Variants in BRF1 observed in about 807,000 individuals in gnomAD.
BRF1 encodes BRF1 general transcription factor IIIB subunit, also known as transcription factor IIIB 90 kDa subunit.
In BRF1, 59 loss-of-function variants were observed where a neutral mutation model predicts 81.7. The ratio of observed to expected loss-of-function variants is 0.72; its 90% CI spans 0.59 to 0.90. The LOEUF (loss-of-function observed/expected upper bound fraction) is 0.90, where lower values mean the gene tolerates loss of function less well. Among genes scored for constraint, BRF1 ranks in the 40% least tolerant of loss-of-function variants. BRF1 has a pLI of 0.00. For missense variants in BRF1, 1,050 were observed against 936.3 expected (o/e 1.12, Z -1.58); for synonymous variants, 491 against 395.6 (o/e 1.24, Z -2.86).
chr14:105,269,051 G>C lies in BRF1; in HGVS notation c.439+3670C>G, dbSNP rs1182557539. ...CAGAGCCAATGCAGGTCAGCAGGGA[G>C]GGAGAAGGCACAGGGGCAGGAGAAA... On this transcript the variant is annotated intron_variant, in intron 3 of 17. Coordinates refer to ENST00000547530, the MANE Select transcript of BRF1 (RefSeq NM_001519.4). The surrounding 1 kb of genome is among the most constrained non-coding windows in gnomAD (Gnocchi z 5.0). Among the ~76,000 whole-genome samples the C allele has an allele frequency of 1.3e-5, 2 of 152,200 alleles. No individual in the cohort carries two copies. Among genetic ancestry groups the C allele is most frequent in the Non-Finnish European group, 2.9e-5 (2 of 68,032 alleles).
intron 5 of BRF1, 28 bp from the exon 6 acceptor site, chr14:105,241,442 C>T: frequency 1.2e-6 from 2 of 1,607,630 alleles, no homozygotes; most frequent in Non-Finnish European, 8.5e-7. Flanking sequence ...CCTCAGTGCC[C>T]ACCTCCATGT....
At chr14:105,229,642 GC>G (rs1364533035) in intron 6 of BRF1, among the ~76,000 whole-genome samples, 19 of 151,042 alleles carry the variant, frequency 1.3e-4, no homozygotes, top group Non-Finnish European at 2.8e-4. Context: ...CCAGCTGGGG[GC>G]GGGGGACAGC....
chr14:105,229,701 AG>A (rs2054428731), intron 6 of BRF1, among the ~76,000 whole-genome samples: 1 of 132,234 alleles, frequency 7.6e-6, no homozygotes, highest in Non-Finnish European at 1.6e-5. Context: ...GCATCTCAGG[AG>A]AGAGAGGCCA....
intron 5 of BRF1, among the ~76,000 whole-genome samples, chr14:105,245,455 G>A (rs1313881652): frequency 6.6e-6 from 1 of 151,952 alleles, no homozygotes; most frequent in Non-Finnish European, 1.5e-5. Flanking sequence ...TTTAAAGTAG[G>A]CAAAGGGACT....
chr14:105,211,179 GCTC>G lies in BRF1; in HGVS notation c.1936_1938del (p.Glu646del), dbSNP rs765294213. On this transcript the variant is annotated inframe_deletion, in exon 17 of 18. Transcript: ENST00000547530. ...CAGGGCTCCCCGTCCTCCTCGTCAG[GCTC>G]CTCCTCGTCAGCCTCCTCGTCGGCG... The G allele has an allele frequency of 7.3e-5, 118 of 1,612,240 alleles. No individual in the cohort carries two copies. Among genetic ancestry groups the G allele is most frequent in the South Asian group, 1.1e-4 (10 of 91,068 alleles).
In BRF1 at chr14:105,249,673, C is replaced by G. The variant is rs200619567; in HGVS notation, c.544+2834G>C. The G allele has an allele frequency of 3.1e-4, 507 of 1,612,982 alleles. 3 individuals are homozygous for G. Among genetic ancestry groups the G allele is most frequent in the South Asian group, 1.0e-3 (92 of 91,050 alleles). The stretch of plus-strand genomic sequence containing the variant: ...ACAGTGATGAGATCGATCTGGAAGC[C>G]GACACGGTGCTGGCCACTCTGTACG... On this transcript the variant is annotated intron_variant, in intron 5 of 17. Transcript: ENST00000547530.
intron 5 of BRF1, chr14:105,248,749 C>A: frequency 1.0e-6 from 1 of 981,720 alleles, no homozygotes; most frequent in Non-Finnish European, 1.2e-6. Context: ...GGCCGCGTCG[C>A]TCAGTGCCTG....
intron 15 of BRF1, among the ~76,000 whole-genome samples, chr14:105,213,718 C>T (rs1890544129): frequency 6.6e-6 from 1 of 152,168 alleles, no homozygotes; most frequent in African/African-American, 2.4e-5. Flanking sequence ...ACAAGTCCAG[C>T]TTTTCCAGAA....
chr14:105,286,148 T>C (rs746642902), intron 2 of BRF1, 148 bp downstream of exon 2: 52 of 933,638 alleles, frequency 5.6e-5, no homozygotes, highest in Non-Finnish European at 8.4e-5. Flanking sequence ...CAATTCCTCC[T>C]GGAAAGCAGC....
intron 10 of BRF1, chr14:105,222,120 G>C (rs2141493016): frequency 1.8e-6 from 1 of 558,748 alleles, no homozygotes; most frequent in South Asian, 2.8e-5. Flanking sequence ...CAGACCTAGG[G>C]GGAGAGTTAA....
At chr14:105,241,153 A>G in intron 6 of BRF1, 112 bp downstream of exon 6, 1 of 1,500,094 alleles carries the variant, frequency 6.7e-7, no homozygotes, top group Non-Finnish European at 8.9e-7. Flanking sequence ...GGCTGGAGGC[A>G]GCTCTCAGTG....
At chr14:105,297,098 C>A (rs1264631155) in intron 1 of BRF1, among the ~76,000 whole-genome samples, 2 of 152,016 alleles carry the variant, frequency 1.3e-5, no homozygotes, top group African/African-American at 4.8e-5. Flanking sequence ...GCAGAGGTTG[C>A]AGTGAGCCGA....
chr14:105,296,549 C>T (rs976781572), intron 1 of BRF1, among the ~76,000 whole-genome samples: 3 of 149,932 alleles, frequency 2.0e-5, no homozygotes, highest in East Asian at 2.0e-4. Context: ...GGTGCGGTGG[C>T]GGGTGCCTGT....
chr14:105,249,266 T>G, intron 5 of BRF1: 1 of 1,563,672 alleles, frequency 6.4e-7, no homozygotes, highest in Non-Finnish European at 8.6e-7. Flanking sequence ...CGGCGGCCCC[T>G]CTCGGAACGC....
At chr14:105,212,611 C>T in intron 15 of BRF1, 1 of 165,786 alleles carries the variant, frequency 6.0e-6, no homozygotes, top group Non-Finnish European at 1.3e-5. Flanking sequence ...CGCCGGCCCG[C>T]CACACACAAA....
chr14:105,229,349 A>C (rs959488482), intron 6 of BRF1, among the ~76,000 whole-genome samples: 10 of 152,196 alleles, frequency 6.6e-5, no homozygotes, highest in Non-Finnish European at 1.5e-4. Context: ...CTCCAGTGCA[A>C]ACATGGAGAT....
chr14:105,226,353 G>T, intron 8 of BRF1, 63 bp from the exon 9 acceptor site: 3 of 1,607,290 alleles, frequency 1.9e-6, no homozygotes, highest in Non-Finnish European at 2.6e-6. Context: ...GCAGCCTCTG[G>T]GGTGCCGCGT....
chr14:105,229,217 G>C (rs913409023), intron 6 of BRF1, among the ~76,000 whole-genome samples: 1 of 152,228 alleles, frequency 6.6e-6, no homozygotes, highest in Non-Finnish European at 1.5e-5. Context: ...GACTGTGCGG[G>C]AAACACAGCT....
chr14:105,213,790 A>C (rs1411181119), intron 15 of BRF1, among the ~76,000 whole-genome samples: 2 of 152,126 alleles, frequency 1.3e-5, no homozygotes, highest in Non-Finnish European at 2.9e-5. Flanking sequence ...CTCCTGCAGA[A>C]CCCGGCTGGA....
Sources: allele counts gnomAD v4.1 joint callset (sites outside exome capture counted in the v4.1 genomes callset), GRCh38; gene constraint gnomAD v4.1.1; non-coding constraint Gnocchi (gnomAD v3.1); transcripts MANE v1.5; gene names NCBI Gene and HGNC (gene_info 2026-07-23, HGNC 2026-07-21).